The following SH3D21 variants were observed in gnomAD, a reference collection of about 807,000 sequenced individuals.
The protein encoded by SH3D21 is SH3 domain-containing protein 21.
SH3D21 carries 83 observed loss-of-function variants against 82.1 expected under a neutral mutation model. The ratio of observed to expected loss-of-function variants is 1.01; its 90% CI spans 0.85 to 1.21. The LOEUF (loss-of-function observed/expected upper bound fraction) is 1.21, where lower values mean the gene tolerates loss of function less well. Among genes scored for constraint, SH3D21 ranks in the 50% most tolerant of loss-of-function variants. The pLI, the probability that SH3D21 is intolerant of heterozygous loss-of-function variation, is 0.00. For missense variants in SH3D21, 980 were observed against 962.1 expected (o/e 1.02, Z -0.25); for synonymous variants, 383 against 387.8 (o/e 0.99, Z 0.15).
Position 36,319,122 on chromosome 1 carries a change from T to G in SH3D21, c.821T>G (p.Val274Gly), listed in dbSNP as rs1417904026. The G allele has an allele frequency of 6.4e-7, 1 of 1,551,146 alleles. No homozygotes were observed. The highest frequency in any genetic ancestry group is 2.4e-5 in the East Asian group (1 of 40,884). The change falls in exon 11 of 16, where the codon GTC (valine) becomes GGC (glycine). Residue 274 changes from valine (V) to glycine (G), a missense_variant. By Grantham distance (109) the Val-to-Gly change is moderately radical (BLOSUM62 -3). Coordinates refer to ENST00000453908, the MANE Select transcript of SH3D21 (RefSeq NM_001162530.2). Reference protein sequence around the residue: ...KLMPKTSLPTVKKLATATTGP... With the variant: ...KLMPKTSLPTGKKLATATTGP... Reference sequence around the variant, plus strand: ...ATGCCCAAAACATCCCTCCCCACAGTCAAGAAGCTAGCAACAGCCACCACT... The same window carrying G: ...ATGCCCAAAACATCCCTCCCCACAGGCAAGAAGCTAGCAACAGCCACCACT...
Position 36,307,876 on chromosome 1 carries a change from T to C in SH3D21, c.493-42T>C. ...AGGTGGTGAGTTCCTCTTGGGGTGG[T>C]TGGAGGCTCATCTAGTTCCTCCCTG... On this transcript the variant is annotated intron_variant, in intron 6 of 15. Transcript: ENST00000453908. The surrounding 1 kb of genome is among the most constrained non-coding windows in gnomAD (Gnocchi z 5.4). 3 of 1,551,670 alleles carry C rather than the reference T, an allele frequency of 1.9e-6. No individual in the cohort carries two copies. Among genetic ancestry groups the C allele is most frequent in the East Asian group, 2.4e-5 (1 of 40,906 alleles).
rs1646166594 is a variant in SH3D21 at position 36,308,132 on chromosome 1, G to A, written c.562G>A (p.Val188Ile). The stretch of plus-strand genomic sequence containing the variant: ...AGTCTCCCACCCTGAGGTCTACAGG[G>A]TCCTGTTTGACTACCAGCCTGAGGC... Reference protein sequence around the residue: ...QTVSHPEVYRVLFDYQPEAPD... With the variant: ...QTVSHPEVYRILFDYQPEAPD... Residue 188 changes from valine to isoleucine, a missense_variant, in exon 8 of 16, where the codon GTC (valine) becomes ATC (isoleucine). Val to Ile is a conservative substitution (Grantham distance 29, BLOSUM62 3). Coordinates refer to ENST00000453908, the MANE Select transcript of SH3D21 (RefSeq NM_001162530.2). 6.5e-7 allele frequency: 1 copy of A among 1,549,930 alleles called. No homozygotes were observed. Among genetic ancestry groups the A allele is most frequent in the Non-Finnish European group, 8.7e-7 (1 of 1,146,096 alleles).
rs1353902735 is a variant in SH3D21 at position 36,306,791 on chromosome 1, G to T, written c.162+36G>T. On this transcript the variant is annotated intron_variant, in intron 2 of 15. Transcript: ENST00000453908. This position sits in a 1 kb window ranked among gnomAD's most constrained non-coding sequence, Gnocchi z 4.5. ...GCCAGGGGCGGGCTGTGGGGTCTCA[G>T]CGCGCGCCCCCCGGGAGCTGAGAGC... The T allele has an allele frequency of 1.5e-6, 2 of 1,291,660 alleles. No individual in the cohort carries two copies. The highest frequency in any genetic ancestry group is 1.2e-5 in the South Asian group (1 of 80,714). 80.0% of individuals were successfully genotyped at this position (1,291,660 alleles called of 1,614,324 possible).
chr1:36,329,277 T>C (rs1406712802), downstream of SH3D21: 2 of 152,256 alleles, frequency 1.3e-5, no homozygotes, highest in Non-Finnish European at 2.9e-5. Context: ...TACAGACTGA[T>C]GCTCGGGTGT....
chr1:36,319,632 C>A, intron 13 of SH3D21, 43 bp from the exon 14 acceptor site: 2 of 1,549,762 alleles, frequency 1.3e-6, no homozygotes, highest in Non-Finnish European at 1.7e-6. Context: ...CCAAGGGGAA[C>A]CAGACTCAAC....
At chr1:36,309,154 T>C (rs1374973983) in intron 9 of SH3D21, among the ~76,000 whole-genome samples, 1 of 152,118 alleles carries the variant, frequency 6.6e-6, no homozygotes, top group Admixed American at 6.6e-5. Flanking sequence ...TAAGGCGTTA[T>C]GTTGGTACTC....
downstream of SH3D21, among the ~76,000 whole-genome samples, chr1:36,325,595 A>G (rs1439614081): frequency 1.3e-5 from 2 of 152,012 alleles, no homozygotes; most frequent in Non-Finnish European, 2.9e-5. Flanking sequence ...CCCAGGCTGG[A>G]GTGCAGTGGC....
chr1:36,320,688 G>A lies in SH3D21; in HGVS notation c.2025G>A (p.Leu675=). ...DSQETLALPS[L]VPQNYTENKN... is the part of the protein sequence containing the mutation. ...AAGAGACGCTCGCGCTCCCCTCGCT[G>A]GTCCCGCAAAACTACACGGAAAACA... The change falls in exon 14 of 16, where the codon CTG becomes CTA. Residue 675 remains leucine, a synonymous_variant. Coordinates refer to ENST00000453908, the MANE Select transcript of SH3D21 (RefSeq NM_001162530.2). 1 of 1,614,230 alleles carries A rather than the reference G, an allele frequency of 6.2e-7. No individual in the cohort carries two copies. Among genetic ancestry groups the A allele is most frequent in the Non-Finnish European group, 8.5e-7 (1 of 1,180,030 alleles).
chr1:36,322,229 G>A, downstream of SH3D21: 2 of 1,416,862 alleles, frequency 1.4e-6, no homozygotes, highest in African/African-American at 1.5e-5. Context: ...CCGAAGGTGT[G>A]GGGTAGCTCT....
At chr1:36,322,174 G>T, downstream of SH3D21, 1 of 1,352,280 alleles carries the variant, frequency 7.4e-7, no homozygotes, top group African/African-American at 1.5e-5. Flanking sequence ...AGGGGGTGGC[G>T]GTCCACGCCC....
intron 10 of SH3D21, among the ~76,000 whole-genome samples, chr1:36,311,612 A>C (rs1362273151): frequency 6.6e-6 from 1 of 152,210 alleles, no homozygotes; most frequent in African/African-American, 2.4e-5. Flanking sequence ...GAGTGATACA[A>C]TTATACCTTT....
chr1:36,322,240 G>A (rs1233457720), downstream of SH3D21: 4 of 1,437,168 alleles, frequency 2.8e-6, no homozygotes, highest in Non-Finnish European at 3.6e-6. Context: ...GGGTAGCTCT[G>A]AGCTCATGTG....
chr1:36,328,283 G>T (rs975925205), downstream of SH3D21: 2 of 380,772 alleles, frequency 5.3e-6, no homozygotes, highest in African/African-American at 4.2e-5. Context: ...TCTGCTCCCG[G>T]CCCCAGTGGC....
At chr1:36,310,252 C>G (rs147491562) in intron 10 of SH3D21, among the ~76,000 whole-genome samples, 5 of 152,286 alleles carry the variant, frequency 3.3e-5, no homozygotes, top group African/African-American at 1.2e-4. Flanking sequence ...CTGCGCCCAG[C>G]CTTATTTATC....
intron 10 of SH3D21, among the ~76,000 whole-genome samples, chr1:36,311,519 C>T (rs1219503420): frequency 6.6e-6 from 1 of 152,082 alleles, no homozygotes; most frequent in Admixed American, 6.5e-5. Flanking sequence ...GGATTACAGG[C>T]ATGAGCCATC....
Position 36,306,472 on chromosome 1 carries a change from A to C in SH3D21, c.4+48A>C, listed in dbSNP as rs1334670455. The C allele has an allele frequency of 7.7e-7, 1 of 1,305,296 alleles. No homozygotes were observed. The highest frequency in any genetic ancestry group is 1.0e-6 in the Non-Finnish European group (1 of 988,928). 80.9% of individuals were successfully genotyped at this position (1,305,296 alleles called of 1,614,324 possible). On this transcript the variant is annotated intron_variant, in intron 1 of 15. Coordinates refer to ENST00000453908, the MANE Select transcript of SH3D21 (RefSeq NM_001162530.2). The surrounding 1 kb of genome is among the most constrained non-coding windows in gnomAD (Gnocchi z 4.5). ...GGCCTCTCTCTGCAACCGTGGACAT[A>C]GCAAGAGCCCACACCACCCCCCGAC...
chr1:36,316,370 G>T (rs1048753943), intron 10 of SH3D21, among the ~76,000 whole-genome samples: 1 of 152,192 alleles, frequency 6.6e-6, no homozygotes, highest in Non-Finnish European at 1.5e-5. Flanking sequence ...CAGTAGCTGG[G>T]ATTACAGGCA....
At chr1:36,312,311 C>CCA (rs1646257831) in intron 10 of SH3D21, among the ~76,000 whole-genome samples, 1 of 152,218 alleles carries the variant, frequency 6.6e-6, no homozygotes, top group South Asian at 2.1e-4. Flanking sequence ...GCGTGAGCCA[C>CCA]CGCACACGGC....
chr1:36,322,417 C>G, downstream of SH3D21: 1 of 1,602,110 alleles, frequency 6.2e-7, no homozygotes, highest in Non-Finnish European at 8.5e-7. Context: ...TCGCGCTCCT[C>G]CAGCCGCTGC....
Sources: gnomAD v4.1 joint callset for allele counts (sites outside exome capture counted in the v4.1 genomes callset) on GRCh38, gnomAD v4.1.1 for gene constraint, Gnocchi (gnomAD v3.1) non-coding constraint, MANE v1.5 for transcripts, NCBI Gene and HGNC (gene_info 2026-07-23, HGNC 2026-07-21) for gene names.